Variants in HIVEP1 observed in about 807,000 individuals in gnomAD.
The protein encoded by HIVEP1 is zinc finger protein 40.
Under a neutral mutation model 180.0 loss-of-function variants are expected in HIVEP1, and 36 were observed. The observed-to-expected ratio is 0.20, with a 90% CI of 0.15 to 0.26. The LOEUF (loss-of-function observed/expected upper bound fraction) is 0.26. Ranked by LOEUF, HIVEP1 falls within the 10% of genes least tolerant of loss-of-function variation. HIVEP1 has a pLI of 1.00. For synonymous variants in HIVEP1, 1,239 were observed against 1,239.0 expected, an observed-to-expected ratio of 1.00 and a Z score of 0.00; for missense variants, 3,143 against 3,268.7, an observed-to-expected ratio of 0.96 and a Z score of 0.94.
intron 1 of HIVEP1, among the ~76,000 whole-genome samples, chr6:12,013,213 C>T (rs993544727): frequency 9.9e-5 from 15 of 152,198 alleles, no homozygotes; most frequent in African/African-American, 3.6e-4. Flanking sequence ...TCCATTCCCC[C>T]CCTCCTCCTG....
rs748180468 is a variant in HIVEP1, at chr6:12,122,620, A to C, written c.2825A>C (p.Gln942Pro). 5 of 1,614,014 alleles carry C rather than the reference A, an allele frequency of 3.1e-6. No homozygotes were observed. In the African/African-American group the frequency reaches 6.7e-5, roughly 22 times the overall value. ...AMSVRSKALA[Q>P]GPHIEKKKSH... ...TCAGTGAGGAGCAAGGCACTGGCAC[A>C]AGGCCCACATATAGAAAAAAAGAAG... Residue 942 changes from glutamine (Q) to proline (P), a missense_variant, in exon 4 of 9, where the codon CAA (glutamine) becomes CCA (proline). Physicochemically the swap from Gln to Pro is moderately conservative, Grantham distance 76. This residue lies in a region of HIVEP1 where 204 missense variants were observed against 243.7 expected (regional missense o/e 0.84). Transcript: ENST00000379388.
chr6:12,103,155 C>G (rs1238371244), intron 3 of HIVEP1, among the ~76,000 whole-genome samples: 1 of 150,022 alleles, frequency 6.7e-6, no homozygotes, highest in Non-Finnish European at 1.5e-5. Context: ...CCTAGTATTG[C>G]AATTGCAACC....
At chr6:12,201,537 C>T in the HIVEP1 span, among the ~76,000 whole-genome samples, 2 of 152,114 alleles carry the variant, frequency 1.3e-5, no homozygotes, top group Non-Finnish European at 2.9e-5. Flanking sequence ...ATGTATAAGG[C>T]ACGGTCTGTA....
chr6:12,175,158 A>G, the HIVEP1 span, among the ~76,000 whole-genome samples: 1 of 152,228 alleles, frequency 6.6e-6, no homozygotes, highest in South Asian at 2.1e-4. Flanking sequence ...TATTATTAGT[A>G]TTGAATTAAT....
intron 3 of HIVEP1, among the ~76,000 whole-genome samples, chr6:12,104,045 G>A (rs1490688459): frequency 6.6e-6 from 1 of 152,018 alleles, no homozygotes; most frequent in Non-Finnish European, 1.5e-5. Flanking sequence ...TTCTTTGAAG[G>A]TAATCTGGCT....
chr6:12,055,249 C>T (rs72826042), intron 2 of HIVEP1, among the ~76,000 whole-genome samples: 24,061 of 152,072 alleles, frequency 0.16, 1,992 homozygotes, highest in East Asian at 0.3. Context: ...CCAAGGCGGA[C>T]GAATCACGAG....
the HIVEP1 span, among the ~76,000 whole-genome samples, chr6:12,184,634 C>G: frequency 6.6e-6 from 1 of 152,110 alleles, no homozygotes; most frequent in Non-Finnish European, 1.5e-5. Context: ...AACCGCAGCC[C>G]TTTGTGCCTC....
At chr6:12,163,142 T>C in intron 8 of HIVEP1, 141 bp from the exon 9 acceptor site, 1 of 719,904 alleles carries the variant, frequency 1.4e-6, no homozygotes, top group Non-Finnish European at 2.3e-6. Context: ...AAAAATAATT[T>C]CATTGCAGCA....
At chr6:12,042,382 C>CT (rs11317475) in intron 2 of HIVEP1, among the ~76,000 whole-genome samples, 72,386 of 133,342 alleles carry the variant, frequency 0.54, 20,888 homozygotes, top group East Asian at 0.81. Flanking sequence ...CACCCGGCCG[C>CT]TTTTTTTTTT....
intron 2 of HIVEP1, among the ~76,000 whole-genome samples, chr6:12,051,206 T>C (rs1487665560): frequency 2.6e-5 from 4 of 151,676 alleles, no homozygotes; most frequent in Non-Finnish European, 5.9e-5. Context: ...AATACCACCA[T>C]TTTTCTTTTG....
chr6:12,163,143 C>G, intron 8 of HIVEP1, 140 bp from the exon 9 acceptor site: 1 of 715,900 alleles, frequency 1.4e-6, no homozygotes, highest in South Asian at 2.0e-5. Flanking sequence ...AAAATAATTT[C>G]ATTGCAGCAA....
At chr6:12,015,007 A>T (rs1387176821) in intron 1 of HIVEP1, among the ~76,000 whole-genome samples, 1 of 152,206 alleles carries the variant, frequency 6.6e-6, no homozygotes, top group Non-Finnish European at 1.5e-5. Context: ...GTGAAGTCTC[A>T]TCCGCTCACA....
chr6:12,030,870 A>G (rs1768893841), intron 2 of HIVEP1, among the ~76,000 whole-genome samples: 1 of 152,186 alleles, frequency 6.6e-6, no homozygotes, highest in Admixed American at 6.5e-5. Flanking sequence ...TGAATATTTT[A>G]CATTTAAGAT....
At chr6:12,113,517 T>G (rs1161946213) in intron 3 of HIVEP1, among the ~76,000 whole-genome samples, 1 of 152,064 alleles carries the variant, frequency 6.6e-6, no homozygotes, top group Non-Finnish European at 1.5e-5. Flanking sequence ...TGCAGTCTTT[T>G]GGCCATGTTA....
At chr6:12,099,434 G>A (rs1269278419) in intron 3 of HIVEP1, among the ~76,000 whole-genome samples, 1 of 152,056 alleles carries the variant, frequency 6.6e-6, no homozygotes, top group Non-Finnish European at 1.5e-5. Flanking sequence ...CCAAAGTGCT[G>A]GGATTACAGG....
the HIVEP1 span, among the ~76,000 whole-genome samples, chr6:12,182,199 A>G: frequency 5.3e-5 from 8 of 152,224 alleles, no homozygotes; most frequent in Non-Finnish European, 1.2e-4. Flanking sequence ...CTAAAAATCA[A>G]TTTCATGAAC....
chr6:12,011,495 CCT>C (rs1180855766), upstream of HIVEP1, among the ~76,000 whole-genome samples: 1 of 151,512 alleles, frequency 6.6e-6, no homozygotes, highest in African/African-American at 2.4e-5. Context: ...CGGGCCCGCC[CCT>C]CCGCCCCCGC....
In HIVEP1 at chr6:12,164,716, A is replaced by G. The variant is rs1338181816; in HGVS notation, c.*255A>G. 2 of 258,826 alleles carry G rather than the reference A, an allele frequency of 7.7e-6. No homozygotes were observed. The highest frequency in any genetic ancestry group is 4.5e-5 in the African/African-American group (2 of 44,460). 16.0% of individuals were successfully genotyped at this position (258,826 alleles called of 1,614,324 possible). A position where few individuals can be genotyped will look rare whatever the true frequency, so the allele number is the denominator to read the frequency against. On this transcript the variant is annotated 3_prime_UTR_variant, in exon 9 of 9. Transcript: ENST00000379388. ...GTTGAATATCTATATACATAAAAAT[A>G]TATTATATATGTATATGAAAACCAG...
intron 2 of HIVEP1, among the ~76,000 whole-genome samples, chr6:12,036,487 CTT>C (rs1463279230): frequency 6.6e-6 from 1 of 152,160 alleles, no homozygotes; most frequent in Non-Finnish European, 1.5e-5. Flanking sequence ...CCCTGTGACT[CTT>C]CAGTTAATTC....
Sources: allele counts gnomAD v4.1 joint callset (sites outside exome capture counted in the v4.1 genomes callset), GRCh38; gene constraint gnomAD v4.1.1; regional missense constraint gnomAD v4.1.1; transcripts MANE v1.5; gene names NCBI Gene and HGNC (gene_info 2026-07-23, HGNC 2026-07-21).